The following ARHGAP9 variants were observed in gnomAD, a reference collection of about 807,000 sequenced individuals.
ARHGAP9 encodes rho GTPase-activating protein 9.
Under a neutral mutation model 87.3 loss-of-function variants are expected in ARHGAP9, and 76 were observed. The observed-to-expected ratio is 0.87, with a 90% CI of 0.72 to 1.05. The LOEUF (loss-of-function observed/expected upper bound fraction) is 1.05. Among genes scored for constraint, ARHGAP9 ranks in the 50% least tolerant of loss-of-function variants. The probability of loss-of-function intolerance (pLI) is 0.00; values close to 1 mark genes in which losing one functional copy is unlikely to be tolerated. For synonymous variants in ARHGAP9, 382 were observed against 394.9 expected (o/e 0.97, Z 0.39); for missense variants, 941 against 960.5 (o/e 0.98, Z 0.27).
upstream of ARHGAP9, chr12:57,480,130 C>A: frequency 1.0e-6 from 1 of 985,070 alleles, no homozygotes; most frequent in Non-Finnish European, 1.2e-6. Flanking sequence ...TGATACTGTC[C>A]TGTACACACA....
In ARHGAP9 at chr12:57,476,469, AG is replaced by A; in HGVS notation, c.1026-16del. On this transcript the variant is annotated splice_polypyrimidine_tract_variant and intron_variant, in intron 7 of 17. Coordinates refer to ENST00000393791, the MANE Select transcript of ARHGAP9 (RefSeq NM_032496.4). ...CCCAGTTCTTCCTGCGGGGACAGAG[AG>A]GGGAGGTAGTGGTAGCGAACAGGTC... is the stretch of plus-strand genomic sequence containing the variant. The A allele has an allele frequency of 1.9e-6, 3 of 1,613,824 alleles. No individual in the cohort carries two copies. Among genetic ancestry groups the A allele is most frequent in the Non-Finnish European group, 2.5e-6 (3 of 1,179,920 alleles).
intron 16 of ARHGAP9, 101 bp from the exon 17 acceptor site, chr12:57,473,809 A>T (rs1167197986): frequency 8.1e-7 from 1 of 1,233,430 alleles, no homozygotes; most frequent in Non-Finnish European, 1.2e-6. Context: ...GGAAGACATC[A>T]TTAATCTAGC....
rs1160918099 is a variant in ARHGAP9 at position 57,475,356 on chromosome 12, T to C, written c.1487A>G (p.Lys496Arg). 1.2e-6 allele frequency: 2 copies of C among 1,603,882 alleles called. No homozygotes were observed. Among genetic ancestry groups the C allele is most frequent in the Non-Finnish European group, 1.7e-6 (2 of 1,175,216 alleles). ...TCTCTTCGCGATGAGCCGCTTTAGT[T>C]TGTTGCGCACGCGGTTCTGCTCGGT... ...EGTEQNRVRNKLKRLIAKRPP... is the reference protein window; with the variant it reads ...EGTEQNRVRNRLKRLIAKRPP... Residue 496 changes from lysine (K) to arginine (R), a missense_variant, in exon 12 of 18, where the codon AAA (lysine) becomes AGA (arginine). Transcript: ENST00000393791.
intron 10 of ARHGAP9, 63 bp from the exon 11 acceptor site, chr12:57,475,678 C>T (rs1405195532): frequency 6.3e-7 from 1 of 1,575,820 alleles, no homozygotes; most frequent in African/African-American, 1.3e-5. Flanking sequence ...CCTAGCTGGA[C>T]TCTGACCCAC....
At chr12:57,477,109 C>T in intron 5 of ARHGAP9, 47 bp downstream of exon 5, 2 of 1,597,782 alleles carry the variant, frequency 1.3e-6, no homozygotes, top group Non-Finnish European at 1.7e-6. Context: ...AAAGTCATAA[C>T]AAGCTGGCTT....
intron 3 of ARHGAP9, 37 bp from the exon 4 acceptor site, chr12:57,477,717 G>A (rs763435600): frequency 8.7e-6 from 14 of 1,604,798 alleles, no homozygotes; most frequent in Non-Finnish European, 1.2e-5. Context: ...TGGTCATTCT[G>A]CCTGTTGCCC....
At position 57,473,594 on chromosome 12, in the gene ARHGAP9, C is replaced by T. The variant is rs1763048122; in HGVS notation, c.2024+9G>A. 6.2e-7 allele frequency: 1 copy of T among 1,609,278 alleles called. No individual in the cohort carries two copies. Among genetic ancestry groups the T allele is most frequent in the Non-Finnish European group, 8.5e-7 (1 of 1,175,806 alleles). On this transcript the variant is annotated intron_variant, in intron 17 of 17. Transcript: ENST00000393791. The stretch of plus-strand genomic sequence containing the variant: ...CCCAGCATGAACAAAGAGGTTCTGT[C>T]TTCCTGACCTGCATAAATGCTCCAG...
Position 57,479,257 on chromosome 12 carries a change from C to T in ARHGAP9, c.150G>A (p.Arg50=). The stretch of plus-strand genomic sequence containing the variant: ...AGTTGGTCTTTCGAAGCAGTAGGAA[C>T]CTATCCCCTTCAGCCAGAGACACCT... ...GQQVSLAEGD[R]FLLLRKTNSD... The change falls in exon 2 of 18, where the codon AGG becomes AGA. Residue 50 remains arginine (R), a synonymous_variant. Transcript: ENST00000393791. The T allele has an allele frequency of 6.2e-7, 1 of 1,614,212 alleles. No individual in the cohort carries two copies. The highest frequency in any genetic ancestry group is 8.5e-7 in the Non-Finnish European group (1 of 1,180,048).
chr12:57,475,976 TA>T, intron 9 of ARHGAP9, 45 bp from the exon 10 acceptor site: 1 of 1,577,284 alleles, frequency 6.3e-7, no homozygotes, highest in South Asian at 1.1e-5. Flanking sequence ...GGAAGGAGTA[TA>T]ATAAGCAGGG....
At chr12:57,476,220 C>G in intron 8 of ARHGAP9, 54 bp from the exon 9 acceptor site, 1 of 1,506,088 alleles carries the variant, frequency 6.6e-7, no homozygotes, top group South Asian at 1.2e-5. Flanking sequence ...CACTGCTTCC[C>G]TCTCCCCGGT....
upstream of ARHGAP9, chr12:57,483,916 C>CT: frequency 2.2e-6 from 1 of 454,098 alleles, no homozygotes; most frequent in Middle Eastern, 5.1e-4. Context: ...GGCCCAGCTA[C>CT]TGTAGTCCCA....
chr12:57,475,343 G>A lies in ARHGAP9; in HGVS notation c.1500C>T (p.Leu500=), dbSNP rs1172627254. The A allele has an allele frequency of 3.1e-6, 5 of 1,603,712 alleles. No individual in the cohort carries two copies. The South Asian group carries it at 5.6e-5, about 18-fold the overall frequency. Residue 500 remains leucine, a synonymous_variant, in exon 12 of 18, where the codon CTC becomes CTT. Coordinates refer to ENST00000393791, the MANE Select transcript of ARHGAP9 (RefSeq NM_032496.4). ...TTTGTAAGGGCGGTCTCTTCGCGAT[G>A]AGCCGCTTTAGTTTGTTGCGCACGC... The part of the protein sequence containing the change: ...QNRVRNKLKR[L]IAKRPPLQSL...
At chr12:57,484,713 C>T (rs1357988482), upstream of ARHGAP9, among the ~76,000 whole-genome samples, 2 of 152,242 alleles carry the variant, frequency 1.3e-5, no homozygotes, top group South Asian at 2.1e-4. Context: ...GGTGCGATCC[C>T]GGCTCACTGC....
At chr12:57,484,525 G>A (rs1351849643), upstream of ARHGAP9, among the ~76,000 whole-genome samples, 1 of 152,130 alleles carries the variant, frequency 6.6e-6, no homozygotes, top group Non-Finnish European at 1.5e-5. Flanking sequence ...CATCCATTTT[G>A]TTGATAACTG....
At chr12:57,480,107 A>G, upstream of ARHGAP9, 4 of 985,294 alleles carry the variant, frequency 4.1e-6, no homozygotes, top group Non-Finnish European at 4.8e-6. Context: ...CGATTTTGGG[A>G]GCTGAGAAGC....
At chr12:57,481,396 G>T (rs914998614), upstream of ARHGAP9, among the ~76,000 whole-genome samples, 1 of 151,902 alleles carries the variant, frequency 6.6e-6, no homozygotes, top group Admixed American at 6.6e-5. Flanking sequence ...GATTAGAGGC[G>T]CCTGCCACTA....
chr12:57,478,664 C>T lies in ARHGAP9; in HGVS notation c.410G>A (p.Arg137His), dbSNP rs147190713. The change falls in exon 3 of 18, where the codon CGC (arginine) becomes CAC (histidine). Residue 137 changes from arginine (R) to histidine (H), a missense_variant. Coordinates refer to ENST00000393791, the MANE Select transcript of ARHGAP9 (RefSeq NM_032496.4). ...AGTGCTGACGCTCCTACACATTTTG[C>T]GGGGAAGTGGAGGAGGCTGCTCCGA... ...ASSEQPPPLP[R>H]KMCRSVSTDN... The T allele has an allele frequency of 1.0e-3, 1,607 of 1,614,054 alleles. 24 individuals carry two copies. In the African/African-American group the frequency reaches 0.019, roughly 19 times the overall value.
rs376932241 is a variant in ARHGAP9, at chr12:57,478,704, T to C, written c.370A>G (p.Arg124Gly). 1.8e-5 allele frequency: 29 copies of C among 1,613,802 alleles called. No individual in the cohort carries two copies. Among genetic ancestry groups the C allele is most frequent in the Non-Finnish European group, 2.4e-5 (28 of 1,179,882 alleles). The change falls in exon 3 of 18, where the codon AGG becomes GGG. Residue 124 changes from arginine (R) to glycine (G), a missense_variant. Coordinates refer to ENST00000393791, the MANE Select transcript of ARHGAP9 (RefSeq NM_032496.4). The part of the protein sequence containing the change: ...LEELSQALPS[R>G]AQASSEQPPP... ...GGCTGCTCCGAGCTAGCCTGAGCCC[T>C]GCTTGGGAGGGCCTGAGACAACTCC...
chr12:57,474,631 T>C lies in ARHGAP9; in HGVS notation c.1724A>G (p.Asp575Gly), dbSNP rs1872919280. ...TGGCCCACAAGCCTTCTCACCTCTG[T>C]CCACCAGAAAGCGAAGCTTCTGGAC... ...AVVQKLRFLV[D>G]RERAVTSDGR... Residue 575 changes from aspartate (D) to glycine (G), a missense_variant, in exon 14 of 18, where the codon GAC (aspartate) becomes GGC (glycine). Coordinates refer to ENST00000393791, the MANE Select transcript of ARHGAP9 (RefSeq NM_032496.4). 6.2e-7 allele frequency: 1 copy of C among 1,614,176 alleles called. No individual in the cohort carries two copies. The highest frequency in any genetic ancestry group is 8.5e-7 in the Non-Finnish European group (1 of 1,180,036).
Sources: gnomAD v4.1 joint callset for allele counts (sites outside exome capture counted in the v4.1 genomes callset) on GRCh38, gnomAD v4.1.1 for gene constraint, MANE v1.5 for transcripts, NCBI Gene and HGNC (gene_info 2026-07-23, HGNC 2026-07-21) for gene names.